Variants in MTSS1 observed in about 807,000 individuals in gnomAD.
The protein encoded by MTSS1 is protein MTSS 1.
In MTSS1, 18 loss-of-function variants were observed where a neutral mutation model predicts 79.0. The ratio of observed to expected loss-of-function variants is 0.23; its 90% CI spans 0.16 to 0.34. The LOEUF is 0.34. MTSS1 is among the 10% of genes least tolerant of loss of function. The probability of loss-of-function intolerance (pLI) is 1.00; values close to 1 mark genes in which losing one functional copy is unlikely to be tolerated. For synonymous variants in MTSS1, 341 were observed against 368.6 expected, an observed-to-expected ratio of 0.93 and a Z score of 0.86; for missense variants, 815 against 986.2, an observed-to-expected ratio of 0.83 and a Z score of 2.33.
At chr8:124,705,063 A>T (rs1238452876) in intron 1 of MTSS1, among the ~76,000 whole-genome samples, 1 of 152,122 alleles carries the variant, frequency 6.6e-6, no homozygotes, top group Non-Finnish European at 1.5e-5. Flanking sequence ...CTTCCTACAC[A>T]TGTTAAATTT....
chr8:124,701,071 A>G (rs79330310), intron 2 of MTSS1, among the ~76,000 whole-genome samples: 1 of 151,940 alleles, frequency 6.6e-6, no homozygotes, highest in African/African-American at 2.4e-5. Flanking sequence ...TCTACACACA[A>G]AAAAATTGTT....
intron 3 of MTSS1, among the ~76,000 whole-genome samples, chr8:124,653,534 A>T (rs940729941): frequency 2.0e-5 from 3 of 151,960 alleles, no homozygotes; most frequent in African/African-American, 7.3e-5. Context: ...GACCAGCCTG[A>T]CCAACATGGT....
chr8:124,589,463 CCT>C (rs1223657653), intron 5 of MTSS1, among the ~76,000 whole-genome samples, 155 bp downstream of exon 5: 4 of 152,178 alleles, frequency 2.6e-5, no homozygotes, highest in Non-Finnish European at 5.9e-5. Context: ...CTCCTCATCC[CCT>C]GACACGGACG....
chr8:124,584,095 G>A (rs141567432), intron 6 of MTSS1, among the ~76,000 whole-genome samples: 246 of 152,270 alleles, frequency 1.6e-3, no homozygotes, highest in African/African-American at 5.7e-3. Context: ...TTATAGAAAT[G>A]TTCAAGGTTA....
At chr8:124,605,721 G>A (rs1834722042) in intron 3 of MTSS1, among the ~76,000 whole-genome samples, 2 of 152,104 alleles carry the variant, frequency 1.3e-5, no homozygotes, top group South Asian at 4.1e-4. Context: ...TTTCATGCAT[G>A]TGTCACTGGC....
chr8:124,667,435 G>A lies in MTSS1; in HGVS notation c.208+32091C>T, dbSNP rs186007893. Among the ~76,000 whole-genome samples the A allele has an allele frequency of 1.5e-3, 230 of 152,194 alleles. 1 individual carries two copies. The highest frequency in any genetic ancestry group is 5.1e-3 in the African/African-American group (211 of 41,548). ...CGAGGCGGGTGGATCACCTGAGGTT[G>A]GGAGTTTGAGACCATCCTGACCAAC... is the stretch of plus-strand genomic sequence containing the variant. On this transcript the variant is annotated intron_variant, in intron 3 of 13. Transcript: ENST00000518547.
chr8:124,638,426 C>A (rs890419522), intron 3 of MTSS1, among the ~76,000 whole-genome samples: 1 of 152,166 alleles, frequency 6.6e-6, no homozygotes, highest in Non-Finnish European at 1.5e-5. Flanking sequence ...TCAAAGGAAG[C>A]CCACATCATC....
chr8:124,561,882 G>A (rs902965616), intron 10 of MTSS1, among the ~76,000 whole-genome samples: 3 of 151,960 alleles, frequency 2.0e-5, no homozygotes, highest in Non-Finnish European at 2.9e-5. Flanking sequence ...CTCTGAGTGC[G>A]TTTAAAATTG....
intron 1 of MTSS1, among the ~76,000 whole-genome samples, chr8:124,706,635 C>A (rs1398973077): frequency 1.3e-5 from 2 of 152,234 alleles, no homozygotes; most frequent in Non-Finnish European, 2.9e-5. Context: ...CTGGCAGAGG[C>A]CCTTTGGCAG....
At chr8:124,571,128 G>T (rs926355965) in intron 6 of MTSS1, among the ~76,000 whole-genome samples, 2 of 152,138 alleles carry the variant, frequency 1.3e-5, no homozygotes, top group African/African-American at 4.8e-5. Context: ...TGAGCCACTG[G>T]TTTCATGTGT....
At chr8:124,558,861 G>T in intron 10 of MTSS1, 2 of 1,528,578 alleles carry the variant, frequency 1.3e-6, no homozygotes, top group South Asian at 2.4e-5. Context: ...CACACGAGGG[G>T]ACCAACAGAA....
At chr8:124,621,708 C>G (rs1423495292) in intron 3 of MTSS1, among the ~76,000 whole-genome samples, 1 of 152,170 alleles carries the variant, frequency 6.6e-6, no homozygotes, top group Non-Finnish European at 1.5e-5. Context: ...GCCACCACAC[C>G]TAGCTAGTTT....
intron 3 of MTSS1, among the ~76,000 whole-genome samples, chr8:124,602,208 A>ATATATATATATATATATATATATAT (rs1834059042): frequency 1.2e-5 from 1 of 81,766 alleles, no homozygotes; most frequent in African/African-American, 9.5e-5. Context: ...TATATATATA[A>ATATATATATATATATATATATATAT]TTTTTTTTTG....
intron 3 of MTSS1, among the ~76,000 whole-genome samples, chr8:124,673,948 G>A (rs1824787958): frequency 6.6e-6 from 1 of 152,096 alleles, no homozygotes; most frequent in Admixed American, 6.5e-5. Context: ...ACACAGGAAG[G>A]GTCCTCTTCC....
chr8:124,654,131 C>T (rs28452282), intron 3 of MTSS1, among the ~76,000 whole-genome samples: 1,602 of 152,284 alleles, frequency 0.011, 34 homozygotes, highest in African/African-American at 0.034. Flanking sequence ...CGTCGCTGAC[C>T]TGTAGCTGTG....
intron 3 of MTSS1, among the ~76,000 whole-genome samples, chr8:124,634,218 TC>T (rs1354428637): frequency 6.6e-6 from 1 of 151,728 alleles, no homozygotes; most frequent in Non-Finnish European, 1.5e-5. Context: ...CAAGCAATCC[TC>T]CCACCTGAAC....
At chr8:124,617,662 G>T (rs1030871237) in intron 3 of MTSS1, among the ~76,000 whole-genome samples, 1 of 152,154 alleles carries the variant, frequency 6.6e-6, no homozygotes, top group African/African-American at 2.4e-5. Flanking sequence ...CAAGCCCCTG[G>T]GCACCCTCTG....
intron 9 of MTSS1, among the ~76,000 whole-genome samples, chr8:124,565,194 T>G (rs573155818): frequency 6.6e-6 from 1 of 152,342 alleles, no homozygotes; most frequent in East Asian, 1.9e-4. Flanking sequence ...TAGCAGTGAC[T>G]GACAGAGCAA....
chr8:124,558,023 G>A, intron 10 of MTSS1, 148 bp from the exon 11 acceptor site: 3 of 631,026 alleles, frequency 4.8e-6, no homozygotes, highest in Non-Finnish European at 8.0e-6. Flanking sequence ...GCTGCTCACG[G>A]ATGATCTGTG....
Sources: gnomAD v4.1 joint callset for allele counts (sites outside exome capture counted in the v4.1 genomes callset) on GRCh38, gnomAD v4.1.1 for gene constraint, MANE v1.5 for transcripts, NCBI Gene and HGNC (gene_info 2026-07-23, HGNC 2026-07-21) for gene names.